Variants in FASTKD2 observed in about 807,000 individuals in gnomAD.
FASTKD2 encodes the protein FAST kinase domains 2.
Under a neutral mutation model 63.6 loss-of-function variants are expected in FASTKD2, and 51 were observed. The observed-to-expected ratio is 0.80, with a 90% CI of 0.64 to 1.01. The LOEUF (loss-of-function observed/expected upper bound fraction) is 1.01. FASTKD2 is among the 50% of genes least tolerant of loss of function. The pLI, the probability that FASTKD2 is intolerant of heterozygous loss-of-function variation, is 0.00. For synonymous variants in FASTKD2, 284 were observed against 293.4 expected, an observed-to-expected ratio of 0.97 and a Z score of 0.33; for missense variants, 786 against 831.1, an observed-to-expected ratio of 0.95 and a Z score of 0.67.
chr2:206,766,372 C>G (rs1245686929), intron 1 of FASTKD2, among the ~76,000 whole-genome samples: 1 of 151,568 alleles, frequency 6.6e-6, no homozygotes, highest in Non-Finnish European at 1.5e-5. Context: ...ACAAAAGTCT[C>G]TCCTACAGAG....
intron 3 of FASTKD2, among the ~76,000 whole-genome samples, 176 bp downstream of exon 3, chr2:206,770,370 A>G (rs1689638892): frequency 6.6e-6 from 1 of 152,142 alleles, no homozygotes; most frequent in Admixed American, 6.5e-5. Context: ...ACTCTGGATG[A>G]CATAGGCTGG....
intron 7 of FASTKD2, among the ~76,000 whole-genome samples, chr2:206,784,959 C>T (rs2105984423): frequency 6.6e-6 from 1 of 152,286 alleles, no homozygotes; most frequent in East Asian, 1.9e-4. Context: ...TGTTTTCACG[C>T]AGCTGATAAA....
intron 7 of FASTKD2, among the ~76,000 whole-genome samples, chr2:206,784,340 A>G (rs893936538): frequency 9.2e-5 from 14 of 152,254 alleles, no homozygotes; most frequent in African/African-American, 3.4e-4. Context: ...TGGAAGCAGA[A>G]TAACTCAAAG....
At position 206,788,874 on chromosome 2, in the gene FASTKD2, G is replaced by C. The variant is rs1185904534; in HGVS notation, c.1869G>C (p.Val623=). Residue 623 remains valine (V), a synonymous_variant, in exon 10 of 12, where the codon GTG becomes GTC. Coordinates refer to ENST00000402774, the MANE Select transcript of FASTKD2 (RefSeq NM_001136193.2). ...NRNQVLPLSD[V]DTTSATDIQR... is the part of the protein sequence containing the mutation. ...ATCAAGTGCTACCACTTTCTGATGT[G>C]GATACAACTTCTGCTACAGATATTC... The C allele has an allele frequency of 6.3e-7, 1 of 1,576,484 alleles. No homozygotes were observed. Among genetic ancestry groups the C allele is most frequent in the Non-Finnish European group, 8.7e-7 (1 of 1,146,404 alleles).
chr2:206,774,543 T>A (rs1689772988), intron 7 of FASTKD2, 146 bp downstream of exon 7: 1 of 629,512 alleles, frequency 1.6e-6, no homozygotes, highest in South Asian at 2.0e-5. Flanking sequence ...TCCTTACTCA[T>A]TTATAAGGTT....
chr2:206,769,967 G>A (rs1203097906), intron 2 of FASTKD2, 124 bp from the exon 3 acceptor site: 4 of 718,492 alleles, frequency 5.6e-6, no homozygotes, highest in African/African-American at 3.5e-5. Flanking sequence ...TGGACTGACT[G>A]TAGGAATTGT....
chr2:206,787,838 A>G (rs1265221761), intron 8 of FASTKD2, 99 bp from the exon 9 acceptor site: 10 of 504,076 alleles, frequency 2.0e-5, no homozygotes, highest in Non-Finnish European at 3.4e-5. Context: ...TTATGTATAT[A>G]TTTATTATTT....
Position 206,792,018 on chromosome 2 carries a change from T to C in FASTKD2, c.*216T>C, listed in dbSNP as rs915650137. ...GAAGGGTTATTTTTCCAACCACACC[T>C]ATTCCCTCTAGTGCCCAGATATTTG... On this transcript the variant is annotated 3_prime_UTR_variant, in exon 12 of 12. Transcript: ENST00000402774. 45 of 548,422 alleles carry C rather than the reference T, an allele frequency of 8.2e-5. No homozygotes were observed. The highest frequency in any genetic ancestry group is 8.2e-4 in the African/African-American group (43 of 52,696). The allele number at this position is 548,422 out of a possible 1,614,324, so 34.0% of individuals were successfully genotyped here. A position where few individuals can be genotyped will look rare whatever the true frequency, so the allele number is the denominator to read the frequency against.
intron 6 of FASTKD2, among the ~76,000 whole-genome samples, chr2:206,773,342 T>G (rs890546643): frequency 6.7e-6 from 1 of 149,588 alleles, no homozygotes; most frequent in Non-Finnish European, 1.5e-5. Context: ...AAAAAAGGGT[T>G]GTATGGTACT....
At chr2:206,784,988 C>A (rs1169451701) in intron 7 of FASTKD2, among the ~76,000 whole-genome samples, 1 of 152,144 alleles carries the variant, frequency 6.6e-6, no homozygotes, top group Non-Finnish European at 1.5e-5. Flanking sequence ...CGAGACTGGG[C>A]ACTTTACAAA....
At chr2:206,781,006 A>G (rs1689957272) in intron 7 of FASTKD2, among the ~76,000 whole-genome samples, 1 of 152,044 alleles carries the variant, frequency 6.6e-6, no homozygotes, top group Non-Finnish European at 1.5e-5. Context: ...TTGCTCATAT[A>G]TCATTTTCCT....
intron 4 of FASTKD2, among the ~76,000 whole-genome samples, chr2:206,771,635 A>T (rs895251120): frequency 5.2e-5 from 7 of 134,116 alleles, no homozygotes; most frequent in Admixed American, 2.4e-4. Flanking sequence ...TGGGTGACTG[A>T]GCAAGACCCT....
At chr2:206,767,605 C>T in intron 2 of FASTKD2, 135 bp downstream of exon 2, 1 of 729,600 alleles carries the variant, frequency 1.4e-6, no homozygotes, top group Non-Finnish European at 2.3e-6. Flanking sequence ...TTTATTTCTG[C>T]ATATATATTA....
At chr2:206,788,207 T>A in intron 9 of FASTKD2, 52 bp downstream of exon 9, 1 of 1,322,944 alleles carries the variant, frequency 7.6e-7, no homozygotes. Flanking sequence ...ATTTTCCTTT[T>A]TTTCTGACCA....
intron 9 of FASTKD2, 34 bp from the exon 10 acceptor site, chr2:206,788,785 G>T (rs1574675596): frequency 4.9e-6 from 5 of 1,021,198 alleles, no homozygotes; most frequent in Non-Finnish European, 7.7e-6. Flanking sequence ...TTGGAGGAAT[G>T]TTTGAAAAAT....
chr2:206,774,207 C>A lies in FASTKD2; in HGVS notation c.1255-18C>A. ...CTGTAATTATTATAGAGTTTTCCCT[C>A]AATTTTCTCTTTTTAAGGTTCTTTT... is the stretch of plus-strand genomic sequence containing the variant. On this transcript the variant is annotated intron_variant, in intron 6 of 11. Transcript: ENST00000402774. The A allele has an allele frequency of 6.3e-7, 1 of 1,578,558 alleles. No homozygotes were observed. The highest frequency in any genetic ancestry group is 1.1e-5 in the South Asian group (1 of 89,358).
At chr2:206,775,132 A>T (rs1689788396) in intron 7 of FASTKD2, among the ~76,000 whole-genome samples, 1 of 151,982 alleles carries the variant, frequency 6.6e-6, no homozygotes, top group South Asian at 2.1e-4. Flanking sequence ...CATTTTCTTT[A>T]TCCATTCATC....
At chr2:206,789,229 T>A (rs1193009446) in intron 10 of FASTKD2, 1 of 221,310 alleles carries the variant, frequency 4.5e-6, no homozygotes, top group Non-Finnish European at 9.0e-6. Context: ...AATATAATAG[T>A]GATCATAAAG....
chr2:206,790,988 A>G, intron 11 of FASTKD2: 1 of 324,978 alleles, frequency 3.1e-6, no homozygotes, highest in South Asian at 3.0e-5. Flanking sequence ...ACACAAAACC[A>G]TATTTAATTT....
Sources: allele counts gnomAD v4.1 joint callset (sites outside exome capture counted in the v4.1 genomes callset), GRCh38; gene constraint gnomAD v4.1.1; transcripts MANE v1.5; gene names NCBI Gene and HGNC (gene_info 2026-07-23, HGNC 2026-07-21).